FAIM2: variants seen among roughly 807,000 people sequenced by gnomAD.
FAIM2 encodes the protein protein lifeguard 2.
In FAIM2, 27 loss-of-function variants were observed where a neutral mutation model predicts 47.4. The ratio of observed to expected loss-of-function variants is 0.57; its 90% CI spans 0.42 to 0.78. The LOEUF (loss-of-function observed/expected upper bound fraction) is 0.78, where lower values mean the gene tolerates loss of function less well. Ranked by LOEUF, FAIM2 falls within the 30% of genes least tolerant of loss-of-function variation. The pLI, the probability that FAIM2 is intolerant of heterozygous loss-of-function variation, is 0.00. For missense variants in FAIM2, 311 were observed against 389.4 expected, an observed-to-expected ratio of 0.80 and a Z score of 1.69; for synonymous variants, 156 against 159.3, an observed-to-expected ratio of 0.98 and a Z score of 0.16.
At chr12:49,897,798 G>T (rs914337005) in intron 3 of FAIM2, among the ~76,000 whole-genome samples, 189 bp downstream of exon 3, 1 of 152,150 alleles carries the variant, frequency 6.6e-6, no homozygotes, top group Non-Finnish European at 1.5e-5. Context: ...AGAGGGGACA[G>T]TGTGTTTAGG....
intron 11 of FAIM2, among the ~76,000 whole-genome samples, chr12:49,883,901 A>G (rs1325934295): frequency 1.3e-5 from 2 of 152,224 alleles, no homozygotes; most frequent in East Asian, 3.9e-4. Context: ...GGTCCCTTTG[A>G]CCTGGATGAG....
chr12:49,896,028 C>T (rs1457935842), intron 5 of FAIM2, among the ~76,000 whole-genome samples: 1 of 152,240 alleles, frequency 6.6e-6, no homozygotes, highest in African/African-American at 2.4e-5. Flanking sequence ...CCTGGGAACG[C>T]TGTCTCCTGT....
intron 5 of FAIM2, among the ~76,000 whole-genome samples, chr12:49,895,016 G>A (rs916199117): frequency 9.9e-5 from 15 of 152,008 alleles, no homozygotes; most frequent in Non-Finnish European, 1.9e-4. Context: ...TCAGACACGA[G>A]GCCAACTTAG....
At chr12:49,878,792 G>C (rs1236735884) in intron 11 of FAIM2, among the ~76,000 whole-genome samples, 1 of 47,546 alleles carries the variant, frequency 2.1e-5, no homozygotes, top group Non-Finnish European at 3.7e-5. Context: ...ATGTGTGCCT[G>C]TGTGTATATG....
intron 11 of FAIM2, among the ~76,000 whole-genome samples, chr12:49,879,353 AGTGCATGTGT>A (rs1320258489): frequency 1.2e-3 from 147 of 119,706 alleles, no homozygotes; most frequent in African/African-American, 1.1e-3. Flanking sequence ...TGTGCATGTG[AGTGCATGTGT>A]GTGCATGTGT....
At chr12:49,889,052 G>T in intron 10 of FAIM2, 55 bp downstream of exon 10, 1 of 1,333,834 alleles carries the variant, frequency 7.5e-7, no homozygotes, top group Non-Finnish European at 1.1e-6. Flanking sequence ...CGGCACCTTG[G>T]GCCAGTGGGG....
chr12:49,884,293 G>C (rs1222347524), intron 11 of FAIM2, among the ~76,000 whole-genome samples: 1 of 151,998 alleles, frequency 6.6e-6, no homozygotes, highest in East Asian at 1.9e-4. Context: ...AGGAGAGTAG[G>C]GAAGAAGGAG....
intron 2 of FAIM2, chr12:49,900,095 A>G: frequency 1.4e-6 from 1 of 715,712 alleles, no homozygotes; most frequent in South Asian, 1.6e-5. Flanking sequence ...AGGGGAAAAG[A>G]GAGGGAAAGT....
Position 49,901,288 on chromosome 12 carries a change from TG to T in FAIM2, c.52del (p.Gln18SerfsTer30). ...VANKAPGTEG[Q>X]QQVHGEKKEA... ...CTTCTTCTCGCCATGCACCTGCTGCTGCCCCTCGGTCCCAGGGGCCTTGTTA... is the reference window on the plus strand; with the variant it reads ...CTTCTTCTCGCCATGCACCTGCTGCTCCCCTCGGTCCCAGGGGCCTTGTTA... On this transcript the variant is annotated frameshift_variant, in exon 2 of 12. Coordinates refer to ENST00000320634, the MANE Select transcript of FAIM2 (RefSeq NM_012306.4). LOFTEE classifies it high-confidence loss of function. The T allele has an allele frequency of 6.2e-7, 1 of 1,604,778 alleles. No homozygotes were observed. The highest frequency in any genetic ancestry group is 8.5e-7 in the Non-Finnish European group (1 of 1,176,452).
chr12:49,876,181 AAG>A (rs1946735300), intron 11 of FAIM2, among the ~76,000 whole-genome samples: 1 of 152,230 alleles, frequency 6.6e-6, no homozygotes, highest in Admixed American at 6.5e-5. Flanking sequence ...ACCAACAGGT[AAG>A]AGTTACTGAT....
chr12:49,889,359 C>A, intron 9 of FAIM2, 122 bp downstream of exon 9: 1 of 1,043,084 alleles, frequency 9.6e-7, no homozygotes, highest in South Asian at 1.4e-5. Flanking sequence ...TTCCCCAAAC[C>A]CAACTCACCC....
chr12:49,873,950 C>T lies in FAIM2; in HGVS notation c.802-3297G>A, dbSNP rs367925914. Among the ~76,000 whole-genome samples, 6 of 152,354 alleles carry T rather than the reference C, an allele frequency of 3.9e-5. No individual in the cohort carries two copies. In the East Asian group the frequency reaches 1.2e-3, roughly 29 times the overall value. On this transcript the variant is annotated intron_variant, in intron 11 of 11. Coordinates refer to ENST00000320634, the MANE Select transcript of FAIM2 (RefSeq NM_012306.4). ...CTGACAGTCTAATGAGGGCAAAAGACATGATCAGAGATTCTGCATGGCAGT... is the reference window on the plus strand; with the variant it reads ...CTGACAGTCTAATGAGGGCAAAAGATATGATCAGAGATTCTGCATGGCAGT...
chr12:49,888,925 G>A (rs1946879921), intron 10 of FAIM2, among the ~76,000 whole-genome samples, 182 bp downstream of exon 10: 3 of 152,218 alleles, frequency 2.0e-5, no homozygotes, highest in Admixed American at 6.5e-5. Flanking sequence ...GACAAGAAAA[G>A]CCTCCTTGTT....
At chr12:49,876,236 T>G (rs1434357561) in intron 11 of FAIM2, among the ~76,000 whole-genome samples, 1 of 152,170 alleles carries the variant, frequency 6.6e-6, no homozygotes, top group Non-Finnish European at 1.5e-5. Context: ...CATATATGAA[T>G]GCATCCAAAA....
intron 11 of FAIM2, among the ~76,000 whole-genome samples, chr12:49,878,800 A>ATG (rs1555158031): frequency 3.8e-5 from 3 of 78,510 alleles, no homozygotes; most frequent in African/African-American, 8.3e-5. Context: ...CTGTGTGTAT[A>ATG]TGTGTGCATG....
At chr12:49,893,426 G>A (rs1450512352) in intron 5 of FAIM2, among the ~76,000 whole-genome samples, 3 of 152,138 alleles carry the variant, frequency 2.0e-5, no homozygotes, top group South Asian at 4.1e-4. Flanking sequence ...CTGAGCCCCC[G>A]CACCCTTCTG....
At chr12:49,888,665 C>T (rs536116604) in intron 10 of FAIM2, among the ~76,000 whole-genome samples, 29 of 152,280 alleles carry the variant, frequency 1.9e-4, no homozygotes, top group Middle Eastern at 6.8e-3. Flanking sequence ...AGCCCCGCTG[C>T]CCCACGTCCC....
At chr12:49,889,009 C>G in intron 10 of FAIM2, 98 bp downstream of exon 10, 1 of 878,880 alleles carries the variant, frequency 1.1e-6, no homozygotes, top group Non-Finnish European at 1.9e-6. Flanking sequence ...GGGGCCTTGG[C>G]TCCTGGCCTT....
Position 49,885,488 on chromosome 12 carries a change from C to G in FAIM2, c.801+1898G>C, listed in dbSNP as rs1375807482. Among the ~76,000 whole-genome samples, 3 of 152,218 alleles carry G rather than the reference C, an allele frequency of 2.0e-5. No individual in the cohort carries two copies. In the East Asian group the frequency reaches 5.8e-4, roughly 29 times the overall value. ...CCCCACCACATCCTTTGAAACCTTTCTTTAGGAAGTATTGCCTGGAGGGAA... is the reference window on the plus strand; with the variant it reads ...CCCCACCACATCCTTTGAAACCTTTGTTTAGGAAGTATTGCCTGGAGGGAA... On this transcript the variant is annotated intron_variant, in intron 11 of 11. Coordinates refer to ENST00000320634, the MANE Select transcript of FAIM2 (RefSeq NM_012306.4).
Sources: allele counts gnomAD v4.1 joint callset (sites outside exome capture counted in the v4.1 genomes callset), GRCh38; gene constraint gnomAD v4.1.1; transcripts MANE v1.5; gene names NCBI Gene and HGNC (gene_info 2026-07-23, HGNC 2026-07-21).